NALF1: variants seen among roughly 807,000 people sequenced by gnomAD.
NALF1 encodes the protein NALCN channel auxiliary factor 1.
In NALF1, 3 loss-of-function variants were observed where a neutral mutation model predicts 48.4. The ratio of observed to expected loss-of-function variants is 0.06; its 90% CI spans 0.03 to 0.16. NALF1 has a LOEUF of 0.16. Among genes scored for constraint, NALF1 ranks in the 10% least tolerant of loss-of-function variants. NALF1 has a pLI of 1.00. For synonymous variants in NALF1, 262 were observed against 245.7 expected (o/e 1.07, Z -0.62); for missense variants, 526 against 571.5 (o/e 0.92, Z 0.81).
intron 1 of NALF1, among the ~76,000 whole-genome samples, chr13:107,384,582 G>C (rs945121680): frequency 6.6e-6 from 1 of 151,876 alleles, no homozygotes; most frequent in Non-Finnish European, 1.5e-5. Flanking sequence ...TATCAAATTA[G>C]AAGTGAATAA....
chr13:107,564,342 A>AT (rs1293701813), intron 1 of NALF1, among the ~76,000 whole-genome samples: 3 of 152,228 alleles, frequency 2.0e-5, no homozygotes, highest in African/African-American at 7.2e-5. Flanking sequence ...ATTCCCTCAT[A>AT]TTGGGAAACT....
intron 1 of NALF1, among the ~76,000 whole-genome samples, chr13:107,287,961 G>C (rs1221142691): frequency 6.6e-6 from 1 of 151,702 alleles, no homozygotes; most frequent in Non-Finnish European, 1.5e-5. Flanking sequence ...ACCCACCTTG[G>C]CCTCCCAAAG....
At chr13:107,749,872 T>C (rs1876885709) in intron 1 of NALF1, among the ~76,000 whole-genome samples, 1 of 152,048 alleles carries the variant, frequency 6.6e-6, no homozygotes, top group Admixed American at 6.5e-5. Flanking sequence ...CAGGCTGGAA[T>C]GCAGTGGTGA....
intron 1 of NALF1, among the ~76,000 whole-genome samples, chr13:107,756,323 C>G (rs1273609651): frequency 6.6e-6 from 1 of 151,804 alleles, no homozygotes; most frequent in African/African-American, 2.4e-5. Context: ...TAACAAGCTC[C>G]CCTGGTGATG....
chr13:107,409,635 T>C (rs919180555), intron 1 of NALF1, among the ~76,000 whole-genome samples: 5 of 152,176 alleles, frequency 3.3e-5, no homozygotes, highest in Admixed American at 6.6e-5. Context: ...GAACCTACAC[T>C]AGAGCCTTGT....
intron 1 of NALF1, among the ~76,000 whole-genome samples, chr13:107,778,502 G>A (rs1256885422): frequency 6.6e-6 from 1 of 152,298 alleles, no homozygotes; most frequent in Middle Eastern, 3.4e-3. Flanking sequence ...AATTGGAAAA[G>A]ATATGACTCT....
intron 1 of NALF1, among the ~76,000 whole-genome samples, chr13:107,534,037 G>A (rs553772620): frequency 2.0e-5 from 3 of 152,176 alleles, no homozygotes; most frequent in Non-Finnish European, 4.4e-5. Context: ...AGAGAGCAGA[G>A]AGAAATGGAA....
chr13:107,382,004 C>CT (rs1883448792), intron 1 of NALF1, among the ~76,000 whole-genome samples: 1 of 152,178 alleles, frequency 6.6e-6, no homozygotes, highest in Admixed American at 6.5e-5. Flanking sequence ...TGCAAATTCT[C>CT]TTTTTCTTCT....
At chr13:107,545,819 T>C (rs1877122329) in intron 1 of NALF1, among the ~76,000 whole-genome samples, 1 of 152,058 alleles carries the variant, frequency 6.6e-6, no homozygotes, top group East Asian at 1.9e-4. Flanking sequence ...TATGTATGAC[T>C]CTCTTCCTGA....
At chr13:107,245,167 G>A (rs1254535956) in intron 1 of NALF1, among the ~76,000 whole-genome samples, 1 of 152,138 alleles carries the variant, frequency 6.6e-6, no homozygotes, top group Non-Finnish European at 1.5e-5. Context: ...AATTGGCAAT[G>A]TATTTACAAA....
intron 1 of NALF1, among the ~76,000 whole-genome samples, chr13:107,236,098 C>T (rs1404693690): frequency 6.6e-6 from 1 of 152,168 alleles, no homozygotes; most frequent in Non-Finnish European, 1.5e-5. Context: ...GCACCCACTT[C>T]TGACTTCTGT....
At chr13:107,546,665 C>T (rs750662397) in intron 1 of NALF1, among the ~76,000 whole-genome samples, 3 of 152,058 alleles carry the variant, frequency 2.0e-5, no homozygotes, top group Non-Finnish European at 2.9e-5. Context: ...GTCTCTCTCC[C>T]GGCTAGCTTT....
chr13:107,753,161 T>C (rs1289245450), intron 1 of NALF1, among the ~76,000 whole-genome samples: 1 of 152,242 alleles, frequency 6.6e-6, no homozygotes, highest in African/African-American at 2.4e-5. Flanking sequence ...TTTGGCCATC[T>C]GCCCTTTGCT....
intron 1 of NALF1, among the ~76,000 whole-genome samples, chr13:107,856,320 G>T (rs1880439954): frequency 6.6e-6 from 1 of 152,144 alleles, no homozygotes; most frequent in African/African-American, 2.4e-5. Flanking sequence ...AATGGAGAAA[G>T]GTCATATGAA....
chr13:107,663,651 T>C (rs1351932372), intron 1 of NALF1, among the ~76,000 whole-genome samples: 1 of 152,198 alleles, frequency 6.6e-6, no homozygotes, highest in Non-Finnish European at 1.5e-5. Flanking sequence ...AAATATAATC[T>C]GTTTCAGAAC....
chr13:107,357,508 G>A (rs2138951241), intron 1 of NALF1, among the ~76,000 whole-genome samples: 1 of 152,184 alleles, frequency 6.6e-6, no homozygotes, highest in African/African-American at 2.4e-5. Context: ...TAGGAGATAC[G>A]TTGTGTTAAA....
intron 1 of NALF1, among the ~76,000 whole-genome samples, chr13:107,266,924 TACAGCCTGG>T (rs1185362591): frequency 3.3e-5 from 5 of 152,170 alleles, no homozygotes; most frequent in African/African-American, 1.2e-4. Context: ...GGATGTACAG[TACAGCCTGG>T]CTTGTAGTGT....
At chr13:107,365,066 C>T (rs1195180145) in intron 1 of NALF1, among the ~76,000 whole-genome samples, 1 of 145,870 alleles carries the variant, frequency 6.9e-6, no homozygotes, top group East Asian at 2.1e-4. Context: ...CTCCCTCTTC[C>T]TCTTCCTTTT....
chr13:107,598,123 C>T (rs913302973), intron 1 of NALF1, among the ~76,000 whole-genome samples: 1 of 152,064 alleles, frequency 6.6e-6, no homozygotes, highest in Non-Finnish European at 1.5e-5. Flanking sequence ...TGCTCTCTGT[C>T]CAGAATTTGC....
Sources: allele counts gnomAD v4.1 joint callset (sites outside exome capture counted in the v4.1 genomes callset), GRCh38; gene constraint gnomAD v4.1.1; transcripts MANE v1.5; gene names NCBI Gene and HGNC (gene_info 2026-07-23, HGNC 2026-07-21).